GLIS3: variants seen among roughly 807,000 people sequenced by gnomAD.
The protein encoded by GLIS3 is GLIS family zinc finger 3, also known as zinc finger protein GLIS3.
Under a neutral mutation model 78.6 loss-of-function variants are expected in GLIS3, and 53 were observed. The observed-to-expected ratio is 0.67, with a 90% CI of 0.54 to 0.85. The LOEUF (loss-of-function observed/expected upper bound fraction) is 0.85, where lower values mean the gene tolerates loss of function less well. Ranked by LOEUF, GLIS3 falls within the 40% of genes least tolerant of loss-of-function variation. The pLI is 0.00. For missense variants in GLIS3, 1,703 were observed against 1,231.1 expected (o/e 1.38, Z -5.74); for synonymous variants, 684 against 509.9 (o/e 1.34, Z -4.60).
At chr9:3,855,788 G>C in intron 9 of GLIS3, 2 of 560,404 alleles carry the variant, frequency 3.6e-6, no homozygotes. Context: ...AACTTGAGCT[G>C]ACCAGTGCGA....
the GLIS3 span, among the ~76,000 whole-genome samples, chr9:4,421,278 G>A: frequency 1.3e-5 from 2 of 152,198 alleles, no homozygotes; most frequent in African/African-American, 2.4e-5. Flanking sequence ...ACAGGAAAGG[G>A]GGTCCATCCA....
intron 4 of GLIS3, among the ~76,000 whole-genome samples, chr9:4,049,594 C>A (rs569097854): frequency 6.6e-6 from 1 of 152,122 alleles, no homozygotes; most frequent in Non-Finnish European, 1.5e-5. Flanking sequence ...AACACACTTG[C>A]GCACACATAG....
intron 4 of GLIS3, among the ~76,000 whole-genome samples, chr9:4,024,351 G>C (rs1014454094): frequency 6.6e-6 from 1 of 152,164 alleles, no homozygotes; most frequent in Non-Finnish European, 1.5e-5. Flanking sequence ...TCAAAATGAA[G>C]GTCATGATAA....
At chr9:3,912,736 T>G (rs16919975) in intron 6 of GLIS3, among the ~76,000 whole-genome samples, 15,192 of 152,260 alleles carry the variant, frequency 0.1, 902 homozygotes, top group East Asian at 0.16. Flanking sequence ...GAGGTACGTC[T>G]TAAAAGCAGA....
At chr9:4,181,659 A>G (rs953755241) in intron 2 of GLIS3, among the ~76,000 whole-genome samples, 9 of 152,182 alleles carry the variant, frequency 5.9e-5, no homozygotes, top group African/African-American at 2.2e-4. Flanking sequence ...GGTGGAATCT[A>G]TCTATATATT....
At chr9:4,092,446 A>T (rs1829601600) in intron 4 of GLIS3, among the ~76,000 whole-genome samples, 1 of 152,146 alleles carries the variant, frequency 6.6e-6, no homozygotes, top group African/African-American at 2.4e-5. Flanking sequence ...TCTTCTGTAA[A>T]AGCACTCAGT....
chr9:4,388,717 A>C, the GLIS3 span, among the ~76,000 whole-genome samples: 1 of 152,070 alleles, frequency 6.6e-6, no homozygotes, highest in Non-Finnish European at 1.5e-5. Flanking sequence ...ACAAAAAATA[A>C]AAGTCTCCAG....
chr9:4,387,024 C>G, the GLIS3 span, among the ~76,000 whole-genome samples: 38 of 152,142 alleles, frequency 2.5e-4, no homozygotes, highest in African/African-American at 8.4e-4. Flanking sequence ...GTGTCTTCAC[C>G]TGGAACTTTT....
the GLIS3 span, among the ~76,000 whole-genome samples, chr9:4,397,741 GGAGAA>G: frequency 5.9e-3 from 861 of 145,160 alleles, 9 homozygotes; most frequent in African/African-American, 0.022. Context: ...AGGAAAAGAG[GGAGAA>G]AGAGGAAAGG....
At chr9:4,018,568 T>C (rs1240320067) in intron 4 of GLIS3, among the ~76,000 whole-genome samples, 1 of 152,132 alleles carries the variant, frequency 6.6e-6, no homozygotes, top group Non-Finnish European at 1.5e-5. Flanking sequence ...GGATCTTGAC[T>C]GGGGTTAGTG....
intron 4 of GLIS3, among the ~76,000 whole-genome samples, chr9:4,041,493 G>A (rs1423670054): frequency 6.6e-6 from 1 of 152,156 alleles, no homozygotes; most frequent in Admixed American, 6.5e-5. Context: ...CACCACCATT[G>A]AGACTCAATT....
At chr9:4,398,709 G>C in the GLIS3 span, among the ~76,000 whole-genome samples, 3 of 151,664 alleles carry the variant, frequency 2.0e-5, no homozygotes, top group African/African-American at 4.9e-5. Context: ...TTTTGTTTGA[G>C]ACAGAGTTTC....
At chr9:4,384,344 A>G in the GLIS3 span, among the ~76,000 whole-genome samples, 21 of 3,786 alleles carry the variant, frequency 5.5e-3, 1 homozygote, top group African/African-American at 0.013. Flanking sequence ...CTTCACTGGA[A>G]AAAAAAAAAC....
chr9:4,414,634 G>T, the GLIS3 span, among the ~76,000 whole-genome samples: 3,993 of 152,088 alleles, frequency 0.026, 109 homozygotes, highest in South Asian at 0.08. Flanking sequence ...GGGTAACAAG[G>T]ATTCATTGCT....
intron 2 of GLIS3, among the ~76,000 whole-genome samples, chr9:4,252,357 G>T (rs902039438): frequency 6.6e-6 from 1 of 151,818 alleles, no homozygotes; most frequent in Non-Finnish European, 1.5e-5. Context: ...TCATTAAGTT[G>T]ATCTTTAATC....
chr9:4,117,652 T>G (rs1257403372), intron 4 of GLIS3, 116 bp downstream of exon 4: 2 of 1,152,392 alleles, frequency 1.7e-6, no homozygotes, highest in Non-Finnish European at 2.6e-6. Context: ...CCCCATCTCA[T>G]GGATACCTAG....
At chr9:4,401,535 A>G in the GLIS3 span, among the ~76,000 whole-genome samples, 1 of 148,136 alleles carries the variant, frequency 6.8e-6, no homozygotes, top group Non-Finnish European at 1.5e-5. Flanking sequence ...AAGTGCTTGA[A>G]TTACCGGTGT....
chr9:4,466,015 G>A, the GLIS3 span, among the ~76,000 whole-genome samples: 8 of 152,266 alleles, frequency 5.3e-5, no homozygotes, highest in East Asian at 1.5e-3. Flanking sequence ...GAATCCAAGA[G>A]CTGGTTCTTT....
At chr9:4,071,814 A>G (rs549532697) in intron 4 of GLIS3, 2 of 152,316 alleles carry the variant, frequency 1.3e-5, no homozygotes, top group South Asian at 2.1e-4. Context: ...TGGTTTTATA[A>G]TTTTAAAGCA....
Sources: allele counts gnomAD v4.1 joint callset (sites outside exome capture counted in the v4.1 genomes callset), GRCh38; gene constraint gnomAD v4.1.1; transcripts MANE v1.5; gene names NCBI Gene and HGNC (gene_info 2026-07-23, HGNC 2026-07-21).